VTI1A: variants seen among roughly 807,000 people sequenced by gnomAD.
The protein encoded by VTI1A is vesicle transport through interaction with t-SNAREs homolog 1A.
A neutral mutation model predicts 34.9 loss-of-function variants in VTI1A; 22 were observed. The ratio of observed to expected loss-of-function variants is 0.63; its 90% CI spans 0.45 to 0.90. VTI1A has a LOEUF of 0.90. Among genes scored for constraint, VTI1A ranks in the 40% least tolerant of loss-of-function variants. VTI1A has a pLI of 0.00. For missense variants in VTI1A, 268 were observed against 275.6 expected, an observed-to-expected ratio of 0.97 and a Z score of 0.20; for synonymous variants, 87 against 97.3, an observed-to-expected ratio of 0.89 and a Z score of 0.62.
chr10:112,760,830 A>C (rs1851437097), intron 7 of VTI1A, among the ~76,000 whole-genome samples: 1 of 148,446 alleles, frequency 6.7e-6, no homozygotes, highest in Non-Finnish European at 1.5e-5. Flanking sequence ...CAGAGGTTGC[A>C]GTGAGCGGAG....
chr10:112,578,434 T>C (rs1026176985), intron 5 of VTI1A, among the ~76,000 whole-genome samples: 10 of 152,006 alleles, frequency 6.6e-5, no homozygotes, highest in Admixed American at 2.6e-4. Flanking sequence ...GGAGGAAGAA[T>C]AGGTTTGGAG....
chr10:112,573,507 A>G (rs1852217418), intron 5 of VTI1A, among the ~76,000 whole-genome samples: 1 of 152,238 alleles, frequency 6.6e-6, no homozygotes, highest in South Asian at 2.1e-4. Context: ...CAATCCCTTA[A>G]TAGATCAAAA....
chr10:112,769,093 G>A (rs1851728336), intron 7 of VTI1A, among the ~76,000 whole-genome samples: 2 of 152,264 alleles, frequency 1.3e-5, no homozygotes, highest in South Asian at 4.1e-4. Flanking sequence ...AAACTTGGAA[G>A]GGCTAGCAAA....
At chr10:112,797,900 G>A (rs543058684) in intron 7 of VTI1A, among the ~76,000 whole-genome samples, 4 of 152,338 alleles carry the variant, frequency 2.6e-5, no homozygotes, top group Middle Eastern at 3.4e-3. Context: ...CTCTCTGAGC[G>A]TTCTGGCAGC....
intron 3 of VTI1A, among the ~76,000 whole-genome samples, chr10:112,469,388 A>G (rs571169683): frequency 6.6e-6 from 1 of 152,088 alleles, no homozygotes; most frequent in Non-Finnish European, 1.5e-5. Flanking sequence ...GGCTCCTTGG[A>G]GGGCCACACA....
intron 7 of VTI1A, among the ~76,000 whole-genome samples, chr10:112,746,113 T>C (rs1850885355): frequency 6.6e-6 from 1 of 152,222 alleles, no homozygotes; most frequent in Non-Finnish European, 1.5e-5. Flanking sequence ...TGATCATATT[T>C]GGGCCAACTT....
intron 7 of VTI1A, among the ~76,000 whole-genome samples, chr10:112,730,544 T>C (rs1427517568): frequency 1.3e-5 from 2 of 152,138 alleles, no homozygotes; most frequent in Non-Finnish European, 2.9e-5. Context: ...AGTTTCTTTT[T>C]CCTATGTATT....
At chr10:112,700,095 G>A (rs1357932317) in intron 7 of VTI1A, among the ~76,000 whole-genome samples, 79 of 129,536 alleles carry the variant, frequency 6.1e-4, no homozygotes, top group Non-Finnish European at 1.0e-3. Flanking sequence ...TCCAGCCTGG[G>A]TAACAGAGCG....
intron 5 of VTI1A, among the ~76,000 whole-genome samples, chr10:112,590,577 G>A (rs1176634394): frequency 1.3e-5 from 2 of 152,090 alleles, no homozygotes; most frequent in Middle Eastern, 3.2e-3. Flanking sequence ...AGCTACTCAG[G>A]AGGCTGAGGT....
chr10:112,552,669 G>T (rs538036281), intron 5 of VTI1A, among the ~76,000 whole-genome samples: 1 of 150,886 alleles, frequency 6.6e-6, no homozygotes, highest in Non-Finnish European at 1.5e-5. Context: ...GTATCTTATT[G>T]CCTCACTGAT....
intron 7 of VTI1A, among the ~76,000 whole-genome samples, chr10:112,779,939 T>A (rs1852065748): frequency 6.6e-6 from 1 of 152,104 alleles, no homozygotes; most frequent in Admixed American, 6.5e-5. Context: ...AGATTATTTT[T>A]CTGTTACAAG....
chr10:112,499,903 C>T (rs1354183559), intron 3 of VTI1A, among the ~76,000 whole-genome samples: 1 of 152,186 alleles, frequency 6.6e-6, no homozygotes, highest in Non-Finnish European at 1.5e-5. Flanking sequence ...ACATGTCACT[C>T]TCTTGTTCTC....
At chr10:112,709,607 G>T (rs1849327059) in intron 7 of VTI1A, among the ~76,000 whole-genome samples, 1 of 145,398 alleles carries the variant, frequency 6.9e-6, no homozygotes, top group Non-Finnish European at 1.5e-5. Context: ...TCAGTTCCCT[G>T]TCTTCATGCT....
intron 5 of VTI1A, among the ~76,000 whole-genome samples, chr10:112,578,269 C>T (rs1055889270): frequency 6.6e-5 from 10 of 152,094 alleles, no homozygotes; most frequent in African/African-American, 2.2e-4. Flanking sequence ...AGAGACATCA[C>T]TGAGGAAGAA....
intron 3 of VTI1A, among the ~76,000 whole-genome samples, chr10:112,470,354 G>A (rs1427186879): frequency 6.6e-6 from 1 of 152,194 alleles, no homozygotes; most frequent in Non-Finnish European, 1.5e-5. Context: ...TGTATTGTGT[G>A]CGTAAGTACA....
At chr10:112,807,342 G>A (rs1484686240) in intron 7 of VTI1A, among the ~76,000 whole-genome samples, 1 of 152,202 alleles carries the variant, frequency 6.6e-6, no homozygotes, top group African/African-American at 2.4e-5. Flanking sequence ...CTAGAAGTCT[G>A]AAGTTAAGGA....
At chr10:112,551,327 A>G (rs193097218) in intron 5 of VTI1A, among the ~76,000 whole-genome samples, 7 of 151,250 alleles carry the variant, frequency 4.6e-5, no homozygotes, top group Admixed American at 3.3e-4. Context: ...TTTGCAATAT[A>G]TAACACTTAA....
intron 7 of VTI1A, among the ~76,000 whole-genome samples, chr10:112,784,479 A>T (rs1056873407): frequency 9.2e-5 from 14 of 152,206 alleles, no homozygotes; most frequent in Non-Finnish European, 1.8e-4. Flanking sequence ...TTATGATAAC[A>T]TAAATATATT....
At chr10:112,842,055 T>C in the VTI1A span, among the ~76,000 whole-genome samples, 2 of 120,132 alleles carry the variant, frequency 1.7e-5, no homozygotes, top group African/African-American at 3.4e-5. Flanking sequence ...TTTTTCCTTT[T>C]TTTTTTTTTT....
Sources: allele counts gnomAD v4.1 joint callset (sites outside exome capture counted in the v4.1 genomes callset), GRCh38; gene constraint gnomAD v4.1.1; transcripts MANE v1.5; gene names NCBI Gene and HGNC (gene_info 2026-07-23, HGNC 2026-07-21).